LRCH3: variants seen among roughly 807,000 people sequenced by gnomAD.
LRCH3 encodes DISP complex protein LRCH3.
In LRCH3, 68 loss-of-function variants were observed where a neutral mutation model predicts 104.5. That is an observed-to-expected ratio of 0.65 (90% CI 0.54 to 0.80). The LOEUF (loss-of-function observed/expected upper bound fraction) is 0.80. Among genes scored for constraint, LRCH3 ranks in the 30% least tolerant of loss-of-function variants. The pLI is 0.00. For missense variants in LRCH3, 951 were observed against 953.9 expected (o/e 1.00, Z 0.04); for synonymous variants, 344 against 361.3 (o/e 0.95, Z 0.54).
intron 5 of LRCH3, among the ~76,000 whole-genome samples, 188 bp downstream of exon 5, chr3:197,827,202 G>GACCATGGTGGAAGCATCAGGTAA (rs1735316922): frequency 3.1e-5 from 3 of 95,680 alleles, no homozygotes; most frequent in African/African-American, 8.4e-5. Context: ...GCATCAGGTA[G>GACCATGGTGGAAGCATCAGGTAA]ACCATGGTGG....
At chr3:197,840,019 T>A (rs1157615346) in intron 10 of LRCH3, among the ~76,000 whole-genome samples, 1 of 151,860 alleles carries the variant, frequency 6.6e-6, no homozygotes, top group Non-Finnish European at 1.5e-5. Context: ...TCGAGAGTTC[T>A]AATTTTTTTT....
intron 20 of LRCH3, among the ~76,000 whole-genome samples, chr3:197,879,440 A>T (rs1435704161): frequency 2.0e-5 from 3 of 151,498 alleles, no homozygotes; most frequent in Non-Finnish European, 2.9e-5. Context: ...AGGTCAGGAG[A>T]TCGAGACCAT....
chr3:197,850,651 C>T, intron 12 of LRCH3: 2 of 1,544,666 alleles, frequency 1.3e-6, no homozygotes, highest in South Asian at 2.2e-5. Context: ...TTAAGTTCAG[C>T]ATCACTCTCT....
At chr3:197,798,272 AT>A (rs1314006787) in intron 1 of LRCH3, among the ~76,000 whole-genome samples, 2 of 152,158 alleles carry the variant, frequency 1.3e-5, no homozygotes, top group African/African-American at 4.8e-5. Flanking sequence ...AAAAAAATAA[AT>A]AAATAAATAA....
intron 14 of LRCH3, among the ~76,000 whole-genome samples, chr3:197,858,090 T>G (rs1042185794): frequency 6.6e-6 from 1 of 152,212 alleles, no homozygotes; most frequent in African/African-American, 2.4e-5. Flanking sequence ...TATCCAGGGC[T>G]CTTTGTGAAA....
intron 12 of LRCH3, among the ~76,000 whole-genome samples, chr3:197,850,080 G>C (rs1006226465): frequency 6.6e-6 from 1 of 152,194 alleles, no homozygotes; most frequent in South Asian, 2.1e-4. Flanking sequence ...TGGTGTAAAG[G>C]GGGGTTCGTT....
chr3:197,850,430 C>T (rs1159596313), intron 12 of LRCH3: 19 of 1,298,908 alleles, frequency 1.5e-5, no homozygotes, highest in Admixed American at 2.2e-5. Flanking sequence ...TTTGTTTCTT[C>T]AGTTTCTTCT....
At chr3:197,795,613 G>C (rs1262179171) in intron 1 of LRCH3, among the ~76,000 whole-genome samples, 1 of 150,546 alleles carries the variant, frequency 6.6e-6, no homozygotes, top group East Asian at 1.9e-4. Context: ...TAAAGTCAGT[G>C]CTATCTCTGT....
chr3:197,867,130 AG>A (rs1361638996), intron 17 of LRCH3, among the ~76,000 whole-genome samples: 1 of 152,154 alleles, frequency 6.6e-6, no homozygotes, highest in Non-Finnish European at 1.5e-5. Context: ...TACAAAAATT[AG>A]CCGGGTGTGG....
intron 12 of LRCH3, among the ~76,000 whole-genome samples, chr3:197,851,605 G>T (rs1041766764): frequency 1.3e-5 from 2 of 152,164 alleles, no homozygotes; most frequent in African/African-American, 4.8e-5. Flanking sequence ...GAAAGCTACT[G>T]AGCCATTTTA....
At position 197,848,010 on chromosome 3, in the gene LRCH3, G is replaced by C; in HGVS notation, c.1519G>C (p.Asp507His). ...GCAGATCCAGAGAGATGCTGTCCTGGACTTTGTCAAAGTGAGTCGTTTGAA... is the reference window on the plus strand; with the variant it reads ...GCAGATCCAGAGAGATGCTGTCCTGCACTTTGTCAAAGTGAGTCGTTTGAA... ...TKQIQRDAVL[D>H]FVKQKASQSP... Residue 507 changes from aspartate to histidine, a missense_variant, in exon 12 of 21, where the codon GAC (aspartate) becomes CAC (histidine). Coordinates refer to ENST00000425562, the MANE Select transcript of LRCH3 (RefSeq NM_001365715.1). 6.2e-7 allele frequency: 1 copy of C among 1,614,070 alleles called. No homozygotes were observed. The highest frequency in any genetic ancestry group is 8.5e-7 in the Non-Finnish European group (1 of 1,179,970).
chr3:197,804,556 C>A (rs1018494296), intron 1 of LRCH3, among the ~76,000 whole-genome samples: 1 of 152,190 alleles, frequency 6.6e-6, no homozygotes, highest in African/African-American at 2.4e-5. Flanking sequence ...TCACTCCTAT[C>A]CTGAGGACTG....
At chr3:197,817,725 A>T (rs1157794765) in intron 3 of LRCH3, among the ~76,000 whole-genome samples, 1 of 152,114 alleles carries the variant, frequency 6.6e-6, no homozygotes, top group Non-Finnish European at 1.5e-5. Context: ...GGGGAATGGC[A>T]CTACAAAGGT....
At chr3:197,880,047 G>A (rs1202566976) in intron 20 of LRCH3, among the ~76,000 whole-genome samples, 28 of 150,400 alleles carry the variant, frequency 1.9e-4, no homozygotes, top group South Asian at 6.3e-4. Context: ...CCGGGTTCCC[G>A]CCATTCTCCT....
intron 17 of LRCH3, among the ~76,000 whole-genome samples, chr3:197,867,273 G>GC (rs1261514534): frequency 6.6e-6 from 1 of 152,118 alleles, no homozygotes; most frequent in Non-Finnish European, 1.5e-5. Flanking sequence ...TAACAAACTG[G>GC]CCAGGCATGG....
intron 1 of LRCH3, among the ~76,000 whole-genome samples, chr3:197,799,450 ACTTT>A (rs1002254520): frequency 1.3e-5 from 2 of 152,232 alleles, no homozygotes; most frequent in Admixed American, 6.5e-5. Flanking sequence ...TTCACTTTTA[ACTTT>A]CTTCTTTGCT....
At chr3:197,880,006 C>T (rs111697883) in intron 20 of LRCH3, among the ~76,000 whole-genome samples, 25,184 of 148,786 alleles carry the variant, frequency 0.17, 2,426 homozygotes, top group East Asian at 0.33. Flanking sequence ...AGTGCGGTGG[C>T]GCGATCTCGG....
intron 8 of LRCH3, 23 bp from the exon 9 acceptor site, chr3:197,835,650 TG>T: frequency 1.3e-6 from 2 of 1,589,570 alleles, no homozygotes; most frequent in Non-Finnish European, 8.6e-7. Context: ...TGTGTGTGTG[TG>T]GGTGTGTGTG....
intron 5 of LRCH3, among the ~76,000 whole-genome samples, 184 bp from the exon 6 acceptor site, chr3:197,829,380 C>G (rs1227333673): frequency 6.6e-6 from 1 of 152,024 alleles, no homozygotes; most frequent in Non-Finnish European, 1.5e-5. Context: ...ACATATTTAC[C>G]AGTTAAACAC....
Sources: allele counts gnomAD v4.1 joint callset (sites outside exome capture counted in the v4.1 genomes callset), GRCh38; gene constraint gnomAD v4.1.1; transcripts MANE v1.5; gene names NCBI Gene and HGNC (gene_info 2026-07-23, HGNC 2026-07-21).